ZFYVE28: variants seen among roughly 807,000 people sequenced by gnomAD.
ZFYVE28 encodes zinc finger FYVE-type containing 28.
Under a neutral mutation model 82.1 loss-of-function variants are expected in ZFYVE28, and 40 were observed. That is an observed-to-expected ratio of 0.49 (90% confidence interval 0.38 to 0.63). The LOEUF (loss-of-function observed/expected upper bound fraction) is 0.63, where lower values mean the gene tolerates loss of function less well. Among genes scored for constraint, ZFYVE28 ranks in the 30% least tolerant of loss-of-function variants. ZFYVE28 has a pLI of 0.00. For synonymous variants in ZFYVE28, 612 were observed against 546.1 expected (o/e 1.12, Z -1.68); for missense variants, 1,321 against 1,242.1 (o/e 1.06, Z -0.96).
intron 11 of ZFYVE28, 52 bp downstream of exon 11, chr4:2,271,623 C>T (rs1735916984): frequency 6.4e-7 from 1 of 1,574,406 alleles, no homozygotes; most frequent in East Asian, 2.2e-5. Flanking sequence ...GTGGCTCCCA[C>T]AGCCCCCACT....
intron 2 of ZFYVE28, among the ~76,000 whole-genome samples, chr4:2,343,977 C>A (rs1723168361): frequency 6.6e-6 from 1 of 152,176 alleles, no homozygotes; most frequent in African/African-American, 2.4e-5. Context: ...TAATAGGAAC[C>A]CAGTTTACCC....
chr4:2,309,061 T>A (rs1183185461), intron 7 of ZFYVE28, among the ~76,000 whole-genome samples: 1 of 152,226 alleles, frequency 6.6e-6, no homozygotes, highest in Non-Finnish European at 1.5e-5. Flanking sequence ...AAAACTCAGG[T>A]TGAAATTTAG....
At position 2,334,957 on chromosome 4, in the gene ZFYVE28, G is replaced by A. The variant is rs765839522; in HGVS notation, c.701+748C>T. Among the ~76,000 whole-genome samples the A allele has an allele frequency of 7.9e-4, 117 of 148,872 alleles. 1 individual carries two copies. The highest frequency in any genetic ancestry group is 1.5e-3 in the Admixed American group (22 of 14,920). ...CCTGGCAGGGGCATGGGGAATCCCCGTCTGGAGTCAGGGTGTGGATGAGCA... is the reference window on the plus strand; with the variant it reads ...CCTGGCAGGGGCATGGGGAATCCCCATCTGGAGTCAGGGTGTGGATGAGCA... On this transcript the variant is annotated intron_variant, in intron 6 of 12. Coordinates refer to ENST00000290974, the MANE Select transcript of ZFYVE28 (RefSeq NM_020972.3).
Position 2,270,740 on chromosome 4 carries a change from G to T in ZFYVE28, c.2649C>A (p.Asp883Glu), listed in dbSNP as rs1735831291. The part of the protein sequence containing the change: ...YMFHVTPFYS[D>E]KAGL The stretch of plus-strand genomic sequence containing the variant: ...TGGCACCACGTCACAGGCCGGCCTT[G>T]TCGCTGTAGAAGGGCGTGACATGGA... The change falls in exon 13 of 13, where the codon GAC (aspartate) becomes GAA (glutamate). Residue 883 changes from aspartate to glutamate, a missense_variant. This residue lies in a region of ZFYVE28 where 978 missense variants were observed against 833.7 expected (regional missense o/e 1.17). Coordinates refer to ENST00000290974, the MANE Select transcript of ZFYVE28 (RefSeq NM_020972.3). 6.2e-7 allele frequency: 1 copy of T among 1,613,206 alleles called. No homozygotes were observed.
At chr4:2,326,240 T>C (rs1181745129) in intron 6 of ZFYVE28, among the ~76,000 whole-genome samples, 2 of 152,180 alleles carry the variant, frequency 1.3e-5, no homozygotes, top group African/African-American at 4.8e-5. Context: ...TTATATGGTG[T>C]GAGATAAGGT....
chr4:2,312,692 G>A (rs1481004113), intron 7 of ZFYVE28, among the ~76,000 whole-genome samples: 24 of 135,892 alleles, frequency 1.8e-4, no homozygotes, highest in East Asian at 6.7e-4. Context: ...GCGCCACTGC[G>A]CTCCAGCCTG....
chr4:2,367,472 C>T (rs1038311902), intron 1 of ZFYVE28, among the ~76,000 whole-genome samples: 18 of 152,192 alleles, frequency 1.2e-4, no homozygotes, highest in Admixed American at 5.2e-4. Context: ...CCGGTCAACT[C>T]CTAGGATGCA....
chr4:2,390,671 CA>C (rs960708512), intron 1 of ZFYVE28, among the ~76,000 whole-genome samples: 1 of 152,238 alleles, frequency 6.6e-6, no homozygotes, highest in Non-Finnish European at 1.5e-5. Flanking sequence ...GCCAAAATAT[CA>C]ACACAGTTTT....
chr4:2,400,319 C>T (rs144811071), intron 1 of ZFYVE28, among the ~76,000 whole-genome samples: 8 of 152,304 alleles, frequency 5.3e-5, no homozygotes, highest in East Asian at 3.9e-4. Flanking sequence ...TGTCATGACA[C>T]GCACACACAT....
intron 8 of ZFYVE28, chr4:2,286,178 C>G (rs949930322): frequency 6.6e-6 from 1 of 152,464 alleles, no homozygotes; most frequent in African/African-American, 2.4e-5. Flanking sequence ...GCCCCCTGTA[C>G]GGGCACTGGC....
intron 6 of ZFYVE28, among the ~76,000 whole-genome samples, chr4:2,326,967 G>A (rs1405310434): frequency 1.3e-5 from 2 of 151,872 alleles, no homozygotes; most frequent in Non-Finnish European, 2.9e-5. Context: ...AGATAAGGTT[G>A]CCGGCCAGGT....
In ZFYVE28 at chr4:2,351,145, C is replaced by T. The variant is rs191484434; in HGVS notation, c.180+2788G>A. ...CCGTCTTGTGGGACTGAGCCCTCACCCTGTGGGTTCTGAGGTCACTCCGGG... is the reference window on the plus strand; with the variant it reads ...CCGTCTTGTGGGACTGAGCCCTCACTCTGTGGGTTCTGAGGTCACTCCGGG... On this transcript the variant is annotated intron_variant, in intron 2 of 12. Transcript: ENST00000290974. Among the ~76,000 whole-genome samples the T allele has an allele frequency of 4.7e-3, 721 of 152,190 alleles. 7 individuals are homozygous for T. The highest frequency in any genetic ancestry group is 0.024 in the Middle Eastern group (7 of 294).
intron 1 of ZFYVE28, among the ~76,000 whole-genome samples, chr4:2,400,386 T>C (rs1731044940): frequency 6.6e-6 from 1 of 151,852 alleles, no homozygotes; most frequent in Non-Finnish European, 1.5e-5. Flanking sequence ...AACACTGACC[T>C]CCTCACACAT....
chr4:2,308,697 G>GAAAAT (rs781493887), intron 7 of ZFYVE28, among the ~76,000 whole-genome samples: 1 of 124,252 alleles, frequency 8.0e-6, no homozygotes, highest in Non-Finnish European at 1.7e-5. Flanking sequence ...GAAAAGAAAA[G>GAAAAT]AAAAGAAAAA....
intron 1 of ZFYVE28, among the ~76,000 whole-genome samples, chr4:2,398,455 G>T (rs889151683): frequency 6.6e-6 from 1 of 152,218 alleles, no homozygotes; most frequent in Non-Finnish European, 1.5e-5. Flanking sequence ...AGACAGGAGA[G>T]GTCATGGCAG....
At chr4:2,302,947 G>T (rs931063082) in intron 8 of ZFYVE28, among the ~76,000 whole-genome samples, 1 of 152,214 alleles carries the variant, frequency 6.6e-6, no homozygotes, top group African/African-American at 2.4e-5. Context: ...TTCAAAACGC[G>T]GAGGACGGTT....
At chr4:2,342,960 T>C (rs1353344768) in intron 2 of ZFYVE28, 1 of 152,260 alleles carries the variant, frequency 6.6e-6, no homozygotes, top group Non-Finnish European at 1.5e-5. Context: ...AGACGATCCA[T>C]GTACGTAATA....
At chr4:2,406,994 C>T (rs967014700) in intron 1 of ZFYVE28, among the ~76,000 whole-genome samples, 22 of 152,074 alleles carry the variant, frequency 1.4e-4, no homozygotes, top group African/African-American at 5.1e-4. Flanking sequence ...GACCTCAGTG[C>T]CAGCTCTGAT....
intron 7 of ZFYVE28, among the ~76,000 whole-genome samples, chr4:2,308,349 A>G (rs1716892445): frequency 6.6e-6 from 1 of 151,970 alleles, no homozygotes; most frequent in Admixed American, 6.6e-5. Context: ...GGAGACACAC[A>G]CAGGGGTAGT....
Sources: gnomAD v4.1 joint callset for allele counts (sites outside exome capture counted in the v4.1 genomes callset) on GRCh38, gnomAD v4.1.1 for gene constraint, gnomAD v4.1.1 regional missense constraint, MANE v1.5 for transcripts, NCBI Gene and HGNC (gene_info 2026-07-23, HGNC 2026-07-21) for gene names.